Variants in GALNT16 observed in about 807,000 individuals in gnomAD.
GALNT16 encodes the protein UDP-GalNAc:polypeptide N-acetylgalactosaminyltransferase-like protein 1.
Under a neutral mutation model 76.1 loss-of-function variants are expected in GALNT16, and 40 were observed. The ratio of observed to expected loss-of-function variants is 0.53; its 90% CI spans 0.41 to 0.68. The LOEUF (loss-of-function observed/expected upper bound fraction) is 0.68. Among genes scored for constraint, GALNT16 ranks in the 30% least tolerant of loss-of-function variants. GALNT16 has a pLI of 0.00. For synonymous variants in GALNT16, 276 were observed against 285.2 expected, an observed-to-expected ratio of 0.97 and a Z score of 0.32; for missense variants, 621 against 731.9, an observed-to-expected ratio of 0.85 and a Z score of 1.75.
intron 1 of GALNT16, among the ~76,000 whole-genome samples, chr14:69,289,141 G>A (rs1045861897): frequency 1.2e-4 from 19 of 152,298 alleles, no homozygotes; most frequent in Admixed American, 6.5e-4. Flanking sequence ...GCCTCCCAGA[G>A]TGCTAGGATT....
chr14:69,336,245 G>A (rs1449494131), intron 9 of GALNT16, among the ~76,000 whole-genome samples: 1 of 152,198 alleles, frequency 6.6e-6, no homozygotes, highest in Non-Finnish European at 1.5e-5. Context: ...GAGTAGCTGG[G>A]ATTACAGGCA....
intron 1 of GALNT16, among the ~76,000 whole-genome samples, chr14:69,298,235 TTCTC>T (rs2044796051): frequency 6.6e-6 from 1 of 152,192 alleles, no homozygotes; most frequent in African/African-American, 2.4e-5. Flanking sequence ...GCCCCCCTCT[TTCTC>T]AGGGCTGGTG....
At chr14:69,377,804 CAAAAAAAAAAAAAAAAA>C in the GALNT16 span, among the ~76,000 whole-genome samples, 4 of 37,478 alleles carry the variant, frequency 1.1e-4, no homozygotes, top group Admixed American at 5.8e-4. Flanking sequence ...GAGACTGTCT[CAAAAAAAAAAAAAAAAA>C]AAAAAAAAAA....
chr14:69,287,486 C>A (rs1320643936), intron 1 of GALNT16, among the ~76,000 whole-genome samples: 1 of 152,212 alleles, frequency 6.6e-6, no homozygotes, highest in Non-Finnish European at 1.5e-5. Flanking sequence ...CAGCGTTTCC[C>A]TTTTGGTGCA....
chr14:69,342,773 C>T (rs1379768294), intron 12 of GALNT16, among the ~76,000 whole-genome samples: 1 of 152,112 alleles, frequency 6.6e-6, no homozygotes. Context: ...GCTACGATGG[C>T]CTTTTCAGTG....
Position 69,347,042 on chromosome 14 carries a change from T to TC in GALNT16, c.1278dup (p.Val427ArgfsTer10). 1 of 1,613,916 alleles carries TC rather than the reference T, an allele frequency of 6.2e-7. No individual in the cohort carries two copies. Among genetic ancestry groups the TC allele is most frequent in the Non-Finnish European group, 8.5e-7 (1 of 1,179,950 alleles). ...CTGACTGCTGCCTTTTCTCTCAGGGTCCCCGTGAAGGAAGCACTCCCCGGC... is the reference window on the plus strand; with the variant it reads ...CTGACTGCTGCCTTTTCTCTCAGGGTCCCCCGTGAAGGAAGCACTCCCCGGC... On this transcript the variant is annotated frameshift_variant, in exon 13 of 15. Coordinates refer to ENST00000448469, the MANE Select transcript of GALNT16 (RefSeq NM_001168368.2). LOFTEE classifies it high-confidence loss of function.
chr14:69,338,808 A>G, intron 10 of GALNT16, 31 bp downstream of exon 10: 1 of 1,572,530 alleles, frequency 6.4e-7, no homozygotes, highest in Non-Finnish European at 8.7e-7. Flanking sequence ...CACGGGACTC[A>G]GAGGAGGACA....
intron 7 of GALNT16, chr14:69,332,619 A>G (rs1423875129): frequency 1.2e-5 from 2 of 164,462 alleles, no homozygotes; most frequent in African/African-American, 4.8e-5. Flanking sequence ...TCTGAGTGGG[A>G]TTCTGAAGGG....
At chr14:69,374,767 T>C in the GALNT16 span, among the ~76,000 whole-genome samples, 1 of 152,210 alleles carries the variant, frequency 6.6e-6, no homozygotes, top group East Asian at 1.9e-4. Context: ...AGGAACTTAT[T>C]TGGCTCACAG....
At chr14:69,288,603 C>T (rs550184637) in intron 1 of GALNT16, among the ~76,000 whole-genome samples, 10 of 152,304 alleles carry the variant, frequency 6.6e-5, no homozygotes, top group African/African-American at 2.2e-4. Flanking sequence ...GTTGCAGCAC[C>T]AGGCCTCACT....
chr14:69,260,555 GC>G, intron 1 of GALNT16, 88 bp downstream of exon 1: 2 of 987,794 alleles, frequency 2.0e-6, no homozygotes, highest in Non-Finnish European at 2.6e-6. Context: ...GCGGGGCCCG[GC>G]CAGGGCTGAG....
chr14:69,365,035 G>A, the GALNT16 span, among the ~76,000 whole-genome samples: 1 of 152,212 alleles, frequency 6.6e-6, no homozygotes, highest in South Asian at 2.1e-4. Flanking sequence ...GGAATCCAAC[G>A]ATGTCTGATT....
chr14:69,293,804 C>A (rs537326681), intron 1 of GALNT16, among the ~76,000 whole-genome samples: 1 of 152,210 alleles, frequency 6.6e-6, no homozygotes, highest in Admixed American at 6.5e-5. Context: ...TTCCCAGGAC[C>A]ATGTTACTGA....
At chr14:69,379,891 C>T in the GALNT16 span, among the ~76,000 whole-genome samples, 1 of 152,126 alleles carries the variant, frequency 6.6e-6, no homozygotes, top group African/African-American at 2.4e-5. Flanking sequence ...TCATTTATAA[C>T]GTTTGCGTCA....
chr14:69,376,031 ATTG>A, the GALNT16 span, among the ~76,000 whole-genome samples: 2 of 151,834 alleles, frequency 1.3e-5, no homozygotes, highest in African/African-American at 4.8e-5. Context: ...CCTTTACACT[ATTG>A]TTGTCATACT....
At chr14:69,322,978 G>GTT (rs2045220173) in intron 2 of GALNT16, among the ~76,000 whole-genome samples, 3 of 41,948 alleles carry the variant, frequency 7.2e-5, no homozygotes. Context: ...GTGTGTGTGT[G>GTT]TGTGCGCGCG....
chr14:69,264,157 G>T, intron 1 of GALNT16, among the ~76,000 whole-genome samples: 1 of 152,166 alleles, frequency 6.6e-6, no homozygotes, highest in Non-Finnish European at 1.5e-5. Context: ...CTCATTTTCG[G>T]TATAGGTGCA....
At chr14:69,285,622 T>G (rs1169752577) in intron 1 of GALNT16, among the ~76,000 whole-genome samples, 2 of 152,156 alleles carry the variant, frequency 1.3e-5, no homozygotes, top group Admixed American at 6.5e-5. Context: ...TCGTCTACAT[T>G]TCCATTGTAG....
downstream of GALNT16, among the ~76,000 whole-genome samples, chr14:69,360,860 C>T (rs2045720063): frequency 6.6e-6 from 1 of 152,198 alleles, no homozygotes; most frequent in South Asian, 2.1e-4. Flanking sequence ...TTCTGGTCCC[C>T]TGACGGGGCC....
Sources: allele counts gnomAD v4.1 joint callset (sites outside exome capture counted in the v4.1 genomes callset), GRCh38; gene constraint gnomAD v4.1.1; transcripts MANE v1.5; gene names NCBI Gene and HGNC (gene_info 2026-07-23, HGNC 2026-07-21).